SRFBP1: variants seen among roughly 807,000 people sequenced by gnomAD.
SRFBP1 encodes serum response factor-binding protein 1.
In SRFBP1, 47 loss-of-function variants were observed where a neutral mutation model predicts 45.5. The observed-to-expected ratio is 1.03, with a 90% CI of 0.82 to 1.32. The LOEUF (loss-of-function observed/expected upper bound fraction) is 1.32. Among genes scored for constraint, SRFBP1 ranks in the 40% most tolerant of loss-of-function variants. The probability of loss-of-function intolerance (pLI) is 0.00; values close to 1 mark genes in which losing one functional copy is unlikely to be tolerated. For missense variants in SRFBP1, 621 were observed against 484.6 expected, an observed-to-expected ratio of 1.28 and a Z score of -2.64; for synonymous variants, 203 against 166.3, an observed-to-expected ratio of 1.22 and a Z score of -1.70.
intron 3 of SRFBP1, among the ~76,000 whole-genome samples, chr5:121,993,518 T>A (rs916283976): frequency 5.3e-5 from 8 of 152,138 alleles, no homozygotes; most frequent in African/African-American, 1.9e-4. Flanking sequence ...AAGATGATGA[T>A]CTAATAAAGG....
downstream of SRFBP1, chr5:122,077,883 G>A: frequency 6.5e-7 from 1 of 1,536,020 alleles, no homozygotes; most frequent in Non-Finnish European, 8.7e-7. The surrounding 1 kb of genome is among the most constrained non-coding windows in gnomAD (Gnocchi z 4.9). Flanking sequence ...GCCGCCGGCG[G>A]CTCGCGCGGG....
In SRFBP1 at chr5:121,975,348, A is replaced by G; in HGVS notation, c.159A>G (p.Arg53=). ...AAGATGCACTGTTAAAAAACCAAAG[A>G]CGGGCGCAAAGATTGCTTGAAGAAA... ...GTEDALLKNQ[R]RAQRLLEEIH... The change falls in exon 3 of 8, where the codon AGA becomes AGG. Residue 53 remains arginine (R), a synonymous_variant. Coordinates refer to ENST00000339397, the MANE Select transcript of SRFBP1 (RefSeq NM_152546.3). The G allele has an allele frequency of 6.2e-7, 1 of 1,613,390 alleles. No homozygotes were observed. The highest frequency in any genetic ancestry group is 8.5e-7 in the Non-Finnish European group (1 of 1,179,402).
chr5:121,979,434 T>C (rs1752363978), intron 3 of SRFBP1, among the ~76,000 whole-genome samples: 1 of 152,238 alleles, frequency 6.6e-6, no homozygotes, highest in South Asian at 2.1e-4. Context: ...GGGTAAAAGA[T>C]ACCTTATTGA....
chr5:122,073,364 A>G (rs1368106621), intron 2 of SRFBP1, among the ~76,000 whole-genome samples: 4 of 152,242 alleles, frequency 2.6e-5, no homozygotes, highest in Non-Finnish European at 5.9e-5. Context: ...ATTATACTGT[A>G]GATTTAAATA....
At chr5:122,043,391 T>C (rs1308169850) in intron 2 of SRFBP1, among the ~76,000 whole-genome samples, 1 of 152,100 alleles carries the variant, frequency 6.6e-6, no homozygotes, top group African/African-American at 2.4e-5. Context: ...AGGTTTTGTA[T>C]TTTTAGCAGA....
At chr5:121,998,662 T>TAA (rs11443226) in intron 4 of SRFBP1, among the ~76,000 whole-genome samples, 1,654 of 145,648 alleles carry the variant, frequency 0.011, 15 homozygotes, top group African/African-American at 0.027. Context: ...ACTTAAAGTA[T>TAA]AAAAAAAAAA....
intron 4 of SRFBP1, among the ~76,000 whole-genome samples, chr5:121,998,620 G>C (rs80130063): frequency 8.1e-5 from 12 of 149,054 alleles, no homozygotes; most frequent in African/African-American, 2.5e-4. Flanking sequence ...ACATATGTAA[G>C]TAACCTGCAC....
In SRFBP1 at chr5:122,027,008, A is replaced by C. The variant is rs1301675852; in HGVS notation, c.1172A>C (p.Asn391Thr). 6.2e-7 allele frequency: 1 copy of C among 1,613,268 alleles called. No individual in the cohort carries two copies. Among genetic ancestry groups the C allele is most frequent in the South Asian group, 1.1e-5 (1 of 91,024 alleles). Residue 391 changes from asparagine to threonine, a missense_variant, in exon 8 of 8, where the codon AAT (asparagine) becomes ACT (threonine). By Grantham distance (65) the Asn-to-Thr change is moderately conservative (BLOSUM62 0). Transcript: ENST00000339397. Reference sequence around the variant, plus strand: ...AAGAAGCTATCAGGAAGACTTGAAAATACAAAACAGCAATTGCAGCTGCCT... The same window carrying C: ...AAGAAGCTATCAGGAAGACTTGAAACTACAAAACAGCAATTGCAGCTGCCT... Reference protein sequence around the residue: ...FNKKLSGRLENTKQQLQLPLH... With the variant: ...FNKKLSGRLETTKQQLQLPLH...
intron 4 of SRFBP1, among the ~76,000 whole-genome samples, chr5:122,003,966 G>A (rs975398007): frequency 6.6e-6 from 1 of 151,950 alleles, no homozygotes; most frequent in African/African-American, 2.4e-5. Context: ...ACAGGATCTC[G>A]CTCTGTCACC....
rs1281555347 is a variant in SRFBP1, at chr5:122,027,434, A to G, written c.*308A>G. The G allele has an allele frequency of 1.2e-5, 2 of 171,622 alleles. No homozygotes were observed. Among genetic ancestry groups the G allele is most frequent in the Non-Finnish European group, 2.5e-5 (2 of 80,860 alleles). 10.6% of individuals were successfully genotyped at this position (171,622 alleles called of 1,614,324 possible). The stretch of plus-strand genomic sequence containing the variant: ...TGTATTTTTTTTTAAAGTAAATTCA[A>G]CTTACGCTTATATAAGCCTTTCACA... On this transcript the variant is annotated 3_prime_UTR_variant, in exon 8 of 8. Coordinates refer to ENST00000339397, the MANE Select transcript of SRFBP1 (RefSeq NM_152546.3).
chr5:121,992,844 G>A (rs1212295007), intron 3 of SRFBP1, among the ~76,000 whole-genome samples: 1 of 151,894 alleles, frequency 6.6e-6, no homozygotes, highest in East Asian at 1.9e-4. Context: ...TATCTACCAT[G>A]TATCTGGGGC....
rs751169039 is a variant in SRFBP1 at position 122,020,747 on chromosome 5, A to G, written c.1012A>G (p.Arg338Gly). Residue 338 changes from arginine to glycine, a missense_variant, in exon 6 of 8, where the codon AGA becomes GGA. By Grantham distance (125) the Arg-to-Gly change is moderately radical. Coordinates refer to ENST00000339397, the MANE Select transcript of SRFBP1 (RefSeq NM_152546.3). ...NDKIKPSTETRKLESVFFHSL... is the reference protein window; with the variant it reads ...NDKIKPSTETGKLESVFFHSL... ...CAAAATCAAGCCAAGTACAGAAACC[A>G]GAAAGTTAGAATCAGTGTTTTTCCA... 8.1e-6 allele frequency: 13 copies of G among 1,604,628 alleles called. No homozygotes were observed. In the South Asian group the frequency reaches 1.1e-4, roughly 14 times the overall value.
downstream of SRFBP1, among the ~76,000 whole-genome samples, chr5:122,030,163 G>A (rs1753566460): frequency 2.0e-5 from 3 of 152,194 alleles, no homozygotes; most frequent in Admixed American, 2.0e-4. Context: ...GTTTCTCTCT[G>A]TGAAAGCAAT....
chr5:122,006,605 C>A (rs1752979905), intron 4 of SRFBP1, among the ~76,000 whole-genome samples: 1 of 151,848 alleles, frequency 6.6e-6, no homozygotes, highest in Non-Finnish European at 1.5e-5. Flanking sequence ...TTTCTAATTT[C>A]TCTCTTCTGA....
chr5:122,028,693 A>G (rs1753540091), downstream of SRFBP1: 1 of 152,176 alleles, frequency 6.6e-6, no homozygotes. Flanking sequence ...AGATGCATAC[A>G]TTGTTTTTGT....
intron 3 of SRFBP1, among the ~76,000 whole-genome samples, chr5:121,990,790 T>C (rs1176133280): frequency 2.0e-5 from 3 of 152,210 alleles, no homozygotes; most frequent in Non-Finnish European, 4.4e-5. Flanking sequence ...GTTTTATGTA[T>C]GTCCTCAACA....
chr5:121,978,339 A>G (rs1395392137), intron 3 of SRFBP1, among the ~76,000 whole-genome samples: 2 of 152,170 alleles, frequency 1.3e-5, no homozygotes, highest in African/African-American at 4.8e-5. Flanking sequence ...ACATCCTATG[A>G]TATATCCAGA....
At position 122,051,827 on chromosome 5, in the gene SRFBP1, G is replaced by T. The variant is rs559738102; in HGVS notation, n.312-23488G>T. ...TAGCTGGTTATTATGCAGACTTTTT[G>T]TGTGGTTGCTTTGTAGTGTCACTGG... On this transcript the variant is annotated intron_variant and non_coding_transcript_variant, in intron 2 of 2. Transcript: ENST00000504881. Among the ~76,000 whole-genome samples the T allele has an allele frequency of 4.3e-4, 66 of 152,204 alleles. 1 individual carries two copies. Among genetic ancestry groups the T allele is most frequent in the African/African-American group, 1.5e-3 (63 of 41,532 alleles).
At chr5:121,985,604 G>A (rs577701827) in intron 3 of SRFBP1, among the ~76,000 whole-genome samples, 1 of 151,910 alleles carries the variant, frequency 6.6e-6, no homozygotes, top group Admixed American at 6.6e-5. Context: ...GACATGTCTG[G>A]TTTATGTTAT....
Sources: allele counts gnomAD v4.1 joint callset (sites outside exome capture counted in the v4.1 genomes callset), GRCh38; gene constraint gnomAD v4.1.1; non-coding constraint Gnocchi (gnomAD v3.1); transcripts MANE v1.5; gene names NCBI Gene and HGNC (gene_info 2026-07-23, HGNC 2026-07-21).